SHISA6: variants seen among roughly 807,000 people sequenced by gnomAD.
SHISA6 encodes shisa family member 6.
SHISA6 carries 22 observed loss-of-function variants against 47.9 expected under a neutral mutation model. The observed-to-expected ratio is 0.46, with a 90% CI of 0.33 to 0.66. The LOEUF is 0.66. SHISA6 is among the 30% of genes least tolerant of loss of function. SHISA6 has a pLI of 0.02. For missense variants in SHISA6, 680 were observed against 764.6 expected (o/e 0.89, Z 1.30); for synonymous variants, 388 against 337.8 (o/e 1.15, Z -1.63).
chr17:11,525,620 A>G (rs1481982625), intron 3 of SHISA6, among the ~76,000 whole-genome samples: 1 of 127,732 alleles, frequency 7.8e-6, no homozygotes, highest in African/African-American at 3.0e-5. Flanking sequence ...CAACAGAGCA[A>G]GACTCCGTCT....
intron 3 of SHISA6, chr17:11,379,966 C>T (rs1253350371): frequency 5.9e-6 from 1 of 170,012 alleles, no homozygotes; most frequent in Non-Finnish European, 1.2e-5. Context: ...AGTGTGTCTC[C>T]ATAAACACTC....
intron 2 of SHISA6, among the ~76,000 whole-genome samples, chr17:11,351,227 G>T (rs1265941565): frequency 1.3e-5 from 2 of 152,080 alleles, no homozygotes; most frequent in Non-Finnish European, 2.9e-5. Flanking sequence ...TTTCATAGGT[G>T]CAGCAAACCA....
intron 3 of SHISA6, among the ~76,000 whole-genome samples, chr17:11,540,145 A>T (rs1204520606): frequency 7.9e-5 from 12 of 152,196 alleles, no homozygotes. Context: ...TTTGGAGTAC[A>T]CTAACGTAGC....
intron 3 of SHISA6, among the ~76,000 whole-genome samples, chr17:11,520,228 C>G (rs1027174997): frequency 9.9e-5 from 15 of 152,144 alleles, no homozygotes; most frequent in African/African-American, 3.6e-4. Context: ...GAACTTCTGA[C>G]TTTACATTCC....
intron 2 of SHISA6, among the ~76,000 whole-genome samples, chr17:11,267,307 AC>A (rs1347627721): frequency 1.2e-4 from 19 of 152,174 alleles, no homozygotes; most frequent in Non-Finnish European, 2.1e-4. Flanking sequence ...TTCCATTGGA[AC>A]TTGTTAGAAA....
At chr17:11,392,321 A>G (rs1913413160) in intron 3 of SHISA6, among the ~76,000 whole-genome samples, 1 of 152,188 alleles carries the variant, frequency 6.6e-6, no homozygotes, top group African/African-American at 2.4e-5. Flanking sequence ...GCCAAAACTC[A>G]TGTTGAAATT....
At chr17:11,311,325 T>G (rs1184646647) in intron 2 of SHISA6, among the ~76,000 whole-genome samples, 1 of 150,468 alleles carries the variant, frequency 6.6e-6, no homozygotes, top group Non-Finnish European at 1.5e-5. Flanking sequence ...AAATCACCTC[T>G]GGCTGTTGTG....
At chr17:11,483,239 T>C (rs1916264015) in intron 3 of SHISA6, among the ~76,000 whole-genome samples, 1 of 151,484 alleles carries the variant, frequency 6.6e-6, no homozygotes, top group African/African-American at 2.4e-5. Context: ...AGGCGGAGGT[T>C]GCAGTAAGCC....
At chr17:11,251,268 C>G (rs1299565241) in intron 1 of SHISA6, among the ~76,000 whole-genome samples, 2 of 151,880 alleles carry the variant, frequency 1.3e-5, no homozygotes, top group Non-Finnish European at 2.9e-5. Flanking sequence ...CTCTGTGGAA[C>G]CAGAACGGCG....
At chr17:11,295,468 T>C (rs1331436787) in intron 2 of SHISA6, among the ~76,000 whole-genome samples, 1 of 151,988 alleles carries the variant, frequency 6.6e-6, no homozygotes, top group African/African-American at 2.4e-5. Flanking sequence ...CAGTATTTAA[T>C]CCAAATTAAT....
intron 3 of SHISA6, among the ~76,000 whole-genome samples, chr17:11,436,611 C>A (rs895793471): frequency 2.0e-5 from 3 of 152,106 alleles, no homozygotes; most frequent in Non-Finnish European, 4.4e-5. Flanking sequence ...TGTGCTTTTT[C>A]TGCTCGACTT....
intron 3 of SHISA6, among the ~76,000 whole-genome samples, chr17:11,406,962 C>T (rs1347689524): frequency 2.0e-5 from 3 of 152,112 alleles, no homozygotes; most frequent in Admixed American, 6.6e-5. Flanking sequence ...AACGATCCTG[C>T]TGCCATATGT....
chr17:11,350,486 C>T (rs903712181), intron 2 of SHISA6, among the ~76,000 whole-genome samples: 3 of 151,920 alleles, frequency 2.0e-5, no homozygotes, highest in African/African-American at 7.3e-5. Flanking sequence ...AGCCGAGGAC[C>T]CATTTAAGGG....
intron 2 of SHISA6, among the ~76,000 whole-genome samples, chr17:11,358,629 G>T (rs1912154153): frequency 6.7e-6 from 1 of 149,216 alleles, no homozygotes. Flanking sequence ...AAAGTGCTGG[G>T]ATTACAGACG....
At chr17:11,405,588 G>T (rs930979212) in intron 3 of SHISA6, among the ~76,000 whole-genome samples, 1 of 152,080 alleles carries the variant, frequency 6.6e-6, no homozygotes, top group African/African-American at 2.4e-5. Context: ...TGGATCACAA[G>T]GTCAGCAGTT....
At chr17:11,312,292 G>A (rs1910366787) in intron 2 of SHISA6, among the ~76,000 whole-genome samples, 1 of 151,444 alleles carries the variant, frequency 6.6e-6, no homozygotes, top group South Asian at 2.1e-4. Flanking sequence ...TCATGTTTTT[G>A]TTTAATTATT....
intron 2 of SHISA6, among the ~76,000 whole-genome samples, chr17:11,312,273 AATTT>A (rs1301189714): frequency 6.6e-6 from 1 of 150,940 alleles, no homozygotes; most frequent in Admixed American, 6.7e-5. Context: ...GGGCTTAATT[AATTT>A]ATTATCATGT....
intron 2 of SHISA6, among the ~76,000 whole-genome samples, chr17:11,329,508 C>T (rs905635410): frequency 6.6e-6 from 1 of 151,992 alleles, no homozygotes; most frequent in Non-Finnish European, 1.5e-5. Context: ...CTTCCCAACT[C>T]TTCCCTGCAA....
At chr17:11,469,635 G>A (rs987210789) in intron 3 of SHISA6, among the ~76,000 whole-genome samples, 8 of 152,148 alleles carry the variant, frequency 5.3e-5, no homozygotes, top group Admixed American at 4.6e-4. Flanking sequence ...CTCGTGGGAG[G>A]TGTCCTGAGA....
Sources: gnomAD v4.1 joint callset for allele counts (sites outside exome capture counted in the v4.1 genomes callset) on GRCh38, gnomAD v4.1.1 for gene constraint, MANE v1.5 for transcripts, NCBI Gene and HGNC (gene_info 2026-07-23, HGNC 2026-07-21) for gene names.